GNL3L: variants seen among roughly 807,000 people sequenced by gnomAD.
The protein encoded by GNL3L is G protein nucleolar 3 like, also known as guanine nucleotide-binding protein-like 3-like protein.
In GNL3L, 4 loss-of-function variants were observed where a neutral mutation model predicts 42.9. The ratio of observed to expected loss-of-function variants is 0.09; its 90% CI spans 0.05 to 0.21. The LOEUF is 0.21. GNL3L is among the 10% of genes least tolerant of loss of function. The pLI, the probability that GNL3L is intolerant of heterozygous loss-of-function variation, is 1.00. For missense variants in GNL3L, 412 were observed against 481.7 expected (o/e 0.86, Z 1.36); for synonymous variants, 159 against 176.3 (o/e 0.90, Z 0.78).
rs746058098 is a variant in GNL3L at position 54,561,494 on chromosome X, C to A, written c.*892C>A. Among the ~76,000 whole-genome samples the A allele has an allele frequency of 2.7e-5, 3 of 112,299 alleles. No homozygotes were observed. The South Asian group carries it at 1.1e-3, about 42-fold the overall frequency. ...TAGAGGGAAGAAGAGAACAAACAAG[C>A]CTGGCTTGTGCTGAAGTGTGGTAGG... is the stretch of plus-strand genomic sequence containing the variant. On this transcript the variant is annotated 3_prime_UTR_variant, in exon 16 of 16. Transcript: ENST00000360845.
the GNL3L span, among the ~76,000 whole-genome samples, chrX:54,631,193 T>C: frequency 8.9e-6 from 1 of 111,751 alleles, no homozygotes; most frequent in Non-Finnish European, 1.9e-5. Flanking sequence ...TGCTGATGAA[T>C]AGAATGTGTA....
At chrX:54,542,694 A>G (rs1251776308) in intron 5 of GNL3L, among the ~76,000 whole-genome samples, 1 of 111,810 alleles carries the variant, frequency 8.9e-6, no homozygotes, top group Non-Finnish European at 1.9e-5. Context: ...CAATGGTTGA[A>G]CTAGTTTCCA....
intron 16 of GNL3L, among the ~76,000 whole-genome samples, chrX:54,595,286 T>C (rs1481165471): frequency 1.8e-5 from 2 of 111,606 alleles, no homozygotes; most frequent in East Asian, 2.8e-4. Flanking sequence ...TTTTTTTTTT[T>C]CCGCTGGATA....
At position 54,563,509 on chromosome X, in the gene GNL3L, T is replaced by TA. The variant is rs1925331148; in HGVS notation, c.*2908dup. On this transcript the variant is annotated 3_prime_UTR_variant, in exon 16 of 16. Coordinates refer to ENST00000360845, the MANE Select transcript of GNL3L (RefSeq NM_001184819.2). ...TAAGAATTTGGGACTGCAGGCCAGTTACGATAGCTCTCACCTGTAATCCCA... is the reference window on the plus strand; with the variant it reads ...TAAGAATTTGGGACTGCAGGCCAGTTAACGATAGCTCTCACCTGTAATCCCA... Among the ~76,000 whole-genome samples, 1 of 111,624 alleles carries TA rather than the reference T, an allele frequency of 9.0e-6. No individual in the cohort carries two copies. Among genetic ancestry groups the TA allele is most frequent in the African/African-American group, 3.3e-5 (1 of 30,707 alleles).
intron 7 of GNL3L, 80 bp downstream of exon 7, chrX:54,543,422 C>A: frequency 4.0e-6 from 4 of 988,177 alleles, no homozygotes; most frequent in Non-Finnish European, 5.7e-6. Context: ...AGACACTGAA[C>A]CCAGCAACTC....
chrX:54,558,064 A>G (rs974353370), intron 14 of GNL3L, among the ~76,000 whole-genome samples: 5 of 110,330 alleles, frequency 4.5e-5, no homozygotes, highest in African/African-American at 1.7e-4. Flanking sequence ...TTGTATTTTT[A>G]GTAGAGACGG....
At chrX:54,622,081 T>G (rs1157577617), downstream of GNL3L, among the ~76,000 whole-genome samples, 2 of 110,494 alleles carry the variant, frequency 1.8e-5, no homozygotes, top group African/African-American at 6.6e-5. Flanking sequence ...AGTGGCACCC[T>G]GTCTCTTAAA....
chrX:54,608,852 T>C (rs1273792531), intron 16 of GNL3L, among the ~76,000 whole-genome samples: 1 of 112,205 alleles, frequency 8.9e-6, no homozygotes, highest in Non-Finnish European at 1.9e-5. Context: ...TGACTTCTTT[T>C]CCTTTGGGTA....
intron 16 of GNL3L, among the ~76,000 whole-genome samples, chrX:54,610,077 T>C (rs2147533608): frequency 8.9e-6 from 1 of 112,192 alleles, no homozygotes; most frequent in Non-Finnish European, 1.9e-5. Context: ...CTTGGTTAGG[T>C]ATATTCCTAA....
intron 16 of GNL3L, among the ~76,000 whole-genome samples, chrX:54,617,157 C>T (rs1455876653): frequency 8.9e-6 from 1 of 111,964 alleles, no homozygotes; most frequent in African/African-American, 3.2e-5. Flanking sequence ...CCATCCTCTT[C>T]TGTTTCTTTA....
intron 16 of GNL3L, among the ~76,000 whole-genome samples, chrX:54,596,992 G>A (rs1051054966): frequency 2.7e-5 from 3 of 111,252 alleles, no homozygotes; most frequent in Non-Finnish European, 5.7e-5. Flanking sequence ...CAAGAGTCAC[G>A]TCCTGGAATT....
intron 16 of GNL3L, among the ~76,000 whole-genome samples, chrX:54,594,775 G>A (rs1925913510): frequency 9.1e-6 from 1 of 110,458 alleles, no homozygotes; most frequent in Non-Finnish European, 1.9e-5. Context: ...TGTATACATT[G>A]TATGTTTTTT....
chrX:54,535,244 G>A (rs193224440), intron 2 of GNL3L, among the ~76,000 whole-genome samples: 4 of 110,644 alleles, frequency 3.6e-5, no homozygotes, highest in African/African-American at 6.6e-5. Flanking sequence ...TCAGCCTCCC[G>A]AGTAGTTGGG....
At chrX:54,592,222 GT>G (rs1925880387) in intron 16 of GNL3L, among the ~76,000 whole-genome samples, 1 of 111,803 alleles carries the variant, frequency 8.9e-6, no homozygotes, top group African/African-American at 3.3e-5. Context: ...GAGTCTTTAG[GT>G]TTTTCCAACT....
At position 54,575,680 on chromosome X, in the gene GNL3L, G is replaced by A. The variant is rs1305872583; in HGVS notation, c.*45+15033G>A. On this transcript the variant is annotated intron_variant, in intron 16 of 16. Transcript: ENST00000674498. ...ACCCGGTAGGCGGAGGTTGCAGTGAGCTGAGATCTCGCCACTGCACTCCAG... is the reference window on the plus strand; with the variant it reads ...ACCCGGTAGGCGGAGGTTGCAGTGAACTGAGATCTCGCCACTGCACTCCAG... 3.6e-5 allele frequency among the ~76,000 whole-genome samples: 4 copies of A among 111,970 alleles called. No homozygotes were observed. In the South Asian group the frequency reaches 1.5e-3, roughly 42 times the overall value.
chrX:54,588,131 A>G (rs766711340), intron 16 of GNL3L, among the ~76,000 whole-genome samples: 8 of 111,975 alleles, frequency 7.1e-5, no homozygotes, highest in Non-Finnish European at 1.1e-4. Flanking sequence ...GGGATTTTCT[A>G]TGTAGATTAT....
chrX:54,620,943 T>A (rs1454840983), exon 17 of GNL3L, among the ~76,000 whole-genome samples: 2 of 112,579 alleles, frequency 1.8e-5, no homozygotes, highest in Non-Finnish European at 3.7e-5. Context: ...TTTTTCTATG[T>A]TTCTTTTAAA....
the GNL3L span, among the ~76,000 whole-genome samples, chrX:54,629,992 A>C: frequency 1.8e-5 from 2 of 111,227 alleles, no homozygotes; most frequent in African/African-American, 6.5e-5. Context: ...GAAGGGTTGT[A>C]TGTTTCCAGG....
chrX:54,606,486 C>T (rs745521717), intron 16 of GNL3L, among the ~76,000 whole-genome samples: 2 of 110,711 alleles, frequency 1.8e-5, no homozygotes, highest in African/African-American at 6.6e-5. Flanking sequence ...TGTTCTCTCT[C>T]TCTTTTTTTT....
Sources: allele counts gnomAD v4.1 joint callset (sites outside exome capture counted in the v4.1 genomes callset), GRCh38; gene constraint gnomAD v4.1.1; transcripts MANE v1.5; gene names NCBI Gene and HGNC (gene_info 2026-07-23, HGNC 2026-07-21).